RFC3: variants seen among roughly 807,000 people sequenced by gnomAD.
The protein encoded by RFC3 is replication factor C subunit 3, also known as A1 38 kDa subunit.
In RFC3, 41 loss-of-function variants were observed where a neutral mutation model predicts 45.1. The observed-to-expected ratio is 0.91, with a 90% CI of 0.71 to 1.18. The LOEUF (loss-of-function observed/expected upper bound fraction) is 1.18, where lower values mean the gene tolerates loss of function less well. Ranked by LOEUF, RFC3 falls within the 50% of genes most tolerant of loss-of-function variation. The pLI is 0.00. For missense variants in RFC3, 423 were observed against 428.1 expected (o/e 0.99, Z 0.10); for synonymous variants, 149 against 144.0 (o/e 1.03, Z -0.25).
chr13:33,885,706 C>G (rs1225191950), intron 8 of RFC3, among the ~76,000 whole-genome samples: 1 of 152,136 alleles, frequency 6.6e-6, no homozygotes, highest in Non-Finnish European at 1.5e-5. Context: ...TATTAACACT[C>G]AAGTGCAGTT....
intron 8 of RFC3, among the ~76,000 whole-genome samples, chr13:33,903,744 T>C (rs1191697873): frequency 6.6e-6 from 1 of 152,086 alleles, no homozygotes; most frequent in Non-Finnish European, 1.5e-5. Context: ...TTTCATTATG[T>C]CACCTTTCTC....
chr13:33,959,410 T>C (rs1238173726), intron 8 of RFC3, among the ~76,000 whole-genome samples: 1 of 152,116 alleles, frequency 6.6e-6, no homozygotes, highest in African/African-American at 2.4e-5. Context: ...TAGACACAAA[T>C]GACGATTTTG....
intron 8 of RFC3, among the ~76,000 whole-genome samples, chr13:33,886,066 G>T (rs933404801): frequency 6.6e-6 from 1 of 151,814 alleles, no homozygotes; most frequent in African/African-American, 2.4e-5. Flanking sequence ...CTTCTCAACT[G>T]CCTGACTCTC....
At chr13:33,837,623 A>T (rs3135643), downstream of RFC3, 1 of 152,058 alleles carries the variant, frequency 6.6e-6, no homozygotes, top group Admixed American at 6.5e-5. Flanking sequence ...TCCTAAAGTT[A>T]TATTACTTTA....
intron 8 of RFC3, among the ~76,000 whole-genome samples, chr13:33,905,334 C>T (rs2082665594): frequency 6.6e-6 from 1 of 152,064 alleles, no homozygotes; most frequent in African/African-American, 2.4e-5. Flanking sequence ...TCAGGATAGG[C>T]CTACAATCAC....
Position 33,965,995 on chromosome 13 carries a change from G to T in RFC3, c.880-92G>T, listed in dbSNP as rs2083085798. 4.5e-6 allele frequency: 4 copies of T among 897,920 alleles called. No homozygotes were observed. The Admixed American group carries it at 7.7e-5, about 17-fold the overall frequency. 55.6% of individuals were successfully genotyped at this position (897,920 alleles called of 1,614,324 possible). On this transcript the variant is annotated intron_variant, in intron 8 of 8. Coordinates refer to the RFC3 transcript ENST00000434425. ...CTCCTGAGCCTTAAATTACTTTGAA[G>T]TGTATTACACATCCTTTGTATCCTC...
chr13:33,848,946 A>G (rs1016301166), intron 8 of RFC3: 4 of 152,218 alleles, frequency 2.6e-5, no homozygotes, highest in African/African-American at 9.6e-5. Flanking sequence ...GCTGTTTGCC[A>G]TGGCTTTTTT....
chr13:33,926,200 G>A (rs191830121), intron 8 of RFC3, among the ~76,000 whole-genome samples: 4,301 of 125,932 alleles, frequency 0.034, 110 homozygotes, highest in Middle Eastern at 0.065. Context: ...ACACTCTGGG[G>A]ACTGTTGTGG....
intron 8 of RFC3, among the ~76,000 whole-genome samples, chr13:33,874,909 A>G (rs575863856): frequency 1.3e-5 from 2 of 152,328 alleles, no homozygotes; most frequent in South Asian, 4.1e-4. Context: ...ACCATGGGAA[A>G]CATTGAACTT....
chr13:33,951,223 C>T (rs943276621), intron 8 of RFC3, among the ~76,000 whole-genome samples: 28 of 150,182 alleles, frequency 1.9e-4, no homozygotes, highest in African/African-American at 6.9e-4. Flanking sequence ...ACTGGGTATA[C>T]TATAAGTACA....
chr13:33,903,367 GT>G (rs1190488274), intron 8 of RFC3, among the ~76,000 whole-genome samples: 1 of 152,106 alleles, frequency 6.6e-6, no homozygotes, highest in African/African-American at 2.4e-5. Context: ...TACAGAAACA[GT>G]AGGTGTAAAA....
At chr13:33,957,110 C>G (rs1036774095) in intron 8 of RFC3, among the ~76,000 whole-genome samples, 1 of 152,238 alleles carries the variant, frequency 6.6e-6, no homozygotes, top group Middle Eastern at 3.4e-3. Flanking sequence ...TGTATATATA[C>G]AACTGTATTG....
At chr13:33,917,740 ACT>A (rs1429125028) in intron 8 of RFC3, among the ~76,000 whole-genome samples, 1 of 151,890 alleles carries the variant, frequency 6.6e-6, no homozygotes, top group Non-Finnish European at 1.5e-5. Context: ...TCCTGATAAC[ACT>A]CTGTATAAAG....
At chr13:33,871,530 G>T (rs934303977) in intron 8 of RFC3, among the ~76,000 whole-genome samples, 2 of 152,158 alleles carry the variant, frequency 1.3e-5, no homozygotes, top group African/African-American at 4.8e-5. Flanking sequence ...GCTAATCCGG[G>T]ATAATCTCCC....
chr13:33,956,449 A>C (rs1337164376), intron 8 of RFC3, among the ~76,000 whole-genome samples: 4 of 152,244 alleles, frequency 2.6e-5, no homozygotes, highest in Non-Finnish European at 1.5e-5. Flanking sequence ...TCATCTCAGG[A>C]ATACTGAAGC....
chr13:33,899,833 G>A (rs1200764512), intron 8 of RFC3, among the ~76,000 whole-genome samples: 1 of 151,940 alleles, frequency 6.6e-6, no homozygotes. Flanking sequence ...CAGTAAAGTT[G>A]CAGGATACAA....
At chr13:33,887,496 T>G (rs2082533749) in intron 8 of RFC3, among the ~76,000 whole-genome samples, 1 of 152,204 alleles carries the variant, frequency 6.6e-6, no homozygotes, top group Admixed American at 6.5e-5. Context: ...GGTTTTTTCT[T>G]GTAAATTTGT....
chr13:33,952,059 G>T (rs941681178), intron 8 of RFC3, among the ~76,000 whole-genome samples: 1 of 152,198 alleles, frequency 6.6e-6, no homozygotes, highest in Admixed American at 6.5e-5. Flanking sequence ...ACATTCATTT[G>T]TTGAATGCCT....
chr13:33,858,799 T>G (rs2082323047), intron 8 of RFC3, among the ~76,000 whole-genome samples: 1 of 152,180 alleles, frequency 6.6e-6, no homozygotes, highest in Non-Finnish European at 1.5e-5. Context: ...ATCTATCTAT[T>G]TAAGTGGAAA....
Sources: allele counts gnomAD v4.1 joint callset (sites outside exome capture counted in the v4.1 genomes callset), GRCh38; gene constraint gnomAD v4.1.1; transcripts MANE v1.5; gene names NCBI Gene and HGNC (gene_info 2026-07-23, HGNC 2026-07-21).